NR6A1: variants seen among roughly 807,000 people sequenced by gnomAD.
NR6A1 encodes retinoic acid receptor-related testis-associated receptor.
A neutral mutation model predicts 59.1 loss-of-function variants in NR6A1; 7 were observed. The ratio of observed to expected loss-of-function variants is 0.12; its 90% CI spans 0.07 to 0.22. NR6A1 has a LOEUF of 0.22. Among genes scored for constraint, NR6A1 ranks in the 10% least tolerant of loss-of-function variants. NR6A1 has a pLI of 1.00. For missense variants in NR6A1, 468 were observed against 611.6 expected (o/e 0.77, Z 2.48); for synonymous variants, 243 against 236.1 (o/e 1.03, Z -0.27).
At chr9:124,567,760 T>C (rs747954089) in intron 2 of NR6A1, among the ~76,000 whole-genome samples, 4 of 151,628 alleles carry the variant, frequency 2.6e-5, no homozygotes, top group Non-Finnish European at 4.4e-5. Flanking sequence ...TCATGATCCA[T>C]TGGGAGTGAT....
At chr9:124,568,239 A>G (rs1588673633) in intron 2 of NR6A1, among the ~76,000 whole-genome samples, 1 of 150,156 alleles carries the variant, frequency 6.7e-6, no homozygotes. Context: ...TAATCCCAGC[A>G]CTTTGGGAGG....
chr9:124,533,497 G>C (rs947321495), intron 7 of NR6A1, among the ~76,000 whole-genome samples: 1 of 152,156 alleles, frequency 6.6e-6, no homozygotes, highest in Non-Finnish European at 1.5e-5. Flanking sequence ...CCCTAGCTGT[G>C]CAAAGGGCCC....
intron 2 of NR6A1, chr9:124,598,796 G>A: frequency 1.1e-6 from 1 of 896,108 alleles, no homozygotes; most frequent in South Asian, 1.3e-5. Flanking sequence ...CGGCATGATC[G>A]CTTTTTTGCC....
intron 3 of NR6A1, among the ~76,000 whole-genome samples, chr9:124,549,993 C>CT (rs1833722184): frequency 6.6e-6 from 1 of 152,126 alleles, no homozygotes; most frequent in African/African-American, 2.4e-5. Flanking sequence ...TTTTTTGTGA[C>CT]TTTGACACTT....
intron 2 of NR6A1, among the ~76,000 whole-genome samples, chr9:124,685,578 C>T (rs2131005324): frequency 6.6e-6 from 1 of 152,274 alleles, no homozygotes; most frequent in Non-Finnish European, 1.5e-5. Flanking sequence ...GATCCTCTTG[C>T]TGTGGACTCC....
At chr9:124,599,344 G>A (rs1208066763) in intron 2 of NR6A1, 4 of 358,008 alleles carry the variant, frequency 1.1e-5, no homozygotes, top group Middle Eastern at 9.5e-4. Flanking sequence ...GCTTGAACCC[G>A]GGAGGCGGAG....
At chr9:124,649,211 G>C (rs1429732829) in intron 2 of NR6A1, among the ~76,000 whole-genome samples, 1 of 108,876 alleles carries the variant, frequency 9.2e-6, no homozygotes, top group Non-Finnish European at 1.7e-5. Flanking sequence ...CAAAGCTATA[G>C]TAAGAAAGTG....
rs1276359647 is a variant in NR6A1 at position 124,674,128 on chromosome 9, A to T, written c.142+59180T>A. 5.3e-5 allele frequency among the ~76,000 whole-genome samples: 8 copies of T among 152,348 alleles called. 2 individuals are homozygous for T. The South Asian group carries it at 1.4e-3, about 28-fold the overall frequency. On this transcript the variant is annotated intron_variant, in intron 2 of 9. Transcript: ENST00000487099. ...GTAATATAAGTAAACCACTTAGTAC[A>T]ATGCCTGACCCATAGTAAGTGCTCC...
At chr9:124,681,795 G>C (rs1449933767) in intron 2 of NR6A1, among the ~76,000 whole-genome samples, 1 of 152,080 alleles carries the variant, frequency 6.6e-6, no homozygotes, top group East Asian at 1.9e-4. Context: ...TCAATATTTA[G>C]AAAATCCGCA....
chr9:124,621,378 T>G (rs1836067929), intron 2 of NR6A1, among the ~76,000 whole-genome samples: 1 of 151,864 alleles, frequency 6.6e-6, no homozygotes, highest in Non-Finnish European at 1.5e-5. Context: ...AGGCTGGAAG[T>G]GGTGGCTCAC....
intron 2 of NR6A1, 22 bp from the exon 3 acceptor site, chr9:124,554,592 C>G: frequency 1.2e-6 from 2 of 1,613,826 alleles, no homozygotes; most frequent in African/African-American, 2.7e-5. Flanking sequence ...CAAGTTAGAA[C>G]ACAGTGGAAA....
intron 1 of NR6A1, among the ~76,000 whole-genome samples, chr9:124,749,123 G>A (rs1840425412): frequency 6.6e-6 from 1 of 151,978 alleles, no homozygotes; most frequent in Non-Finnish European, 1.5e-5. Flanking sequence ...TTAGCCGAGT[G>A]TAGTGGCGCA....
intron 2 of NR6A1, among the ~76,000 whole-genome samples, chr9:124,716,796 TA>T (rs1289982705): frequency 2.0e-5 from 3 of 152,154 alleles, no homozygotes; most frequent in African/African-American, 7.2e-5. Flanking sequence ...CACACCCAGC[TA>T]ATTTTTGTAT....
At chr9:124,687,897 G>T (rs946819807) in intron 2 of NR6A1, among the ~76,000 whole-genome samples, 3 of 152,114 alleles carry the variant, frequency 2.0e-5, no homozygotes, top group Non-Finnish European at 4.4e-5. Context: ...CTGAAACTTC[G>T]AATAGTACAC....
chr9:124,669,521 T>C lies in NR6A1; in HGVS notation c.142+63787A>G, dbSNP rs538570404. ...TATATCACAGAACATTTGCCCTGCCTACCTGTTGAAATATCACATGTCTCA... is the reference window on the plus strand; with the variant it reads ...TATATCACAGAACATTTGCCCTGCCCACCTGTTGAAATATCACATGTCTCA... On this transcript the variant is annotated intron_variant, in intron 2 of 9. Transcript: ENST00000487099. 2.6e-4 allele frequency among the ~76,000 whole-genome samples: 40 copies of C among 152,356 alleles called. 1 individual carries two copies. In the East Asian group the frequency reaches 5.4e-3, roughly 21 times the overall value.
At chr9:124,760,659 T>G (rs1840763684) in intron 1 of NR6A1, among the ~76,000 whole-genome samples, 1 of 152,158 alleles carries the variant, frequency 6.6e-6, no homozygotes, top group African/African-American at 2.4e-5. Flanking sequence ...TGGGTCTCAG[T>G]TTTCTCCTGT....
chr9:124,518,857 C>A lies in NR6A1; in HGVS notation c.*3848G>T, dbSNP rs1481827361. The A allele has an allele frequency of 6.6e-6, 1 of 150,846 alleles. No individual in the cohort carries two copies. The highest frequency in any genetic ancestry group is 2.4e-5 in the African/African-American group (1 of 40,944). The allele number at this position is 150,846 out of a possible 1,614,324, so 9.3% of individuals were successfully genotyped here. ...ATTCTTAAAATAATTGCAAAAATTT[C>A]AAAAGCAACAAGGAAAAAAGATACA... is the stretch of plus-strand genomic sequence containing the variant. On this transcript the variant is annotated 3_prime_UTR_variant, in exon 10 of 10. Coordinates refer to ENST00000487099, the MANE Select transcript of NR6A1 (RefSeq NM_033334.4).
chr9:124,614,014 G>C (rs1356856172), intron 2 of NR6A1, among the ~76,000 whole-genome samples: 1 of 152,098 alleles, frequency 6.6e-6, no homozygotes, highest in African/African-American at 2.4e-5. Flanking sequence ...CAGAGAAAGA[G>C]GAAACAAATA....
At chr9:124,553,841 T>A (rs1473809019) in intron 3 of NR6A1, among the ~76,000 whole-genome samples, 2 of 152,102 alleles carry the variant, frequency 1.3e-5, no homozygotes, top group African/African-American at 4.8e-5. Flanking sequence ...AACGTCAGTT[T>A]GTTCATATTA....
Sources: gnomAD v4.1 joint callset for allele counts (sites outside exome capture counted in the v4.1 genomes callset) on GRCh38, gnomAD v4.1.1 for gene constraint, MANE v1.5 for transcripts, NCBI Gene and HGNC (gene_info 2026-07-23, HGNC 2026-07-21) for gene names.